PRDM16: variants seen among roughly 807,000 people sequenced by gnomAD.
PRDM16 encodes the protein PR/SET domain 16.
Under a neutral mutation model 110.6 loss-of-function variants are expected in PRDM16, and 23 were observed. The ratio of observed to expected loss-of-function variants is 0.21; its 90% CI spans 0.15 to 0.29. The LOEUF is 0.29. PRDM16 is among the 10% of genes least tolerant of loss of function. The pLI is 1.00. For missense variants in PRDM16, 1,615 were observed against 1,794.3 expected (o/e 0.90, Z 1.81); for synonymous variants, 799 against 781.8 (o/e 1.02, Z -0.37).
chr1:3,393,861 G>C (rs1335761353), intron 4 of PRDM16, among the ~76,000 whole-genome samples: 3 of 151,104 alleles, frequency 2.0e-5, no homozygotes, highest in Admixed American at 6.6e-5. Flanking sequence ...CCCCCGCCCC[G>C]CCCCGCCTCG....
chr1:3,414,652 G>A lies in PRDM16; in HGVS notation c.2691+5G>A, dbSNP rs375994227. The stretch of plus-strand genomic sequence containing the variant: ...CCGCTGCTCTTCCACCCCCAGGTAC[G>A]TCCTCAGTGCAGGTCAGGGCGCCCT... On this transcript the variant is annotated splice_donor_5th_base_variant and intron_variant, in intron 10 of 16. Transcript: ENST00000270722. The A allele has an allele frequency of 1.3e-4, 210 of 1,611,094 alleles. No homozygotes were observed. Among genetic ancestry groups the A allele is most frequent in the South Asian group, 1.5e-4 (14 of 90,764 alleles).
At position 3,080,797 on chromosome 1, in the gene PRDM16, G is replaced by A. The variant is rs903381913; in HGVS notation, c.37+11501G>A. 6.6e-6 allele frequency among the ~76,000 whole-genome samples: 1 copy of A among 152,130 alleles called. No individual in the cohort carries two copies. The highest frequency in any genetic ancestry group is 2.4e-5 in the African/African-American group (1 of 41,414). On this transcript the variant is annotated intron_variant, in intron 1 of 16. Transcript: ENST00000270722. The surrounding 1 kb of genome is among the most constrained non-coding windows in gnomAD (Gnocchi z 5.2). ...CGGGGAAATCTGAGCAGCCACAGGC[G>A]AATCTGGGACGATGGCAGATTGTTA...
At chr1:3,360,454 C>T (rs182689661) in intron 3 of PRDM16, among the ~76,000 whole-genome samples, 2 of 152,222 alleles carry the variant, frequency 1.3e-5, no homozygotes, top group East Asian at 1.9e-4. Context: ...ACCACCGACA[C>T]GTTGTCCTTA....
At chr1:3,312,562 C>T (rs958821792) in intron 3 of PRDM16, among the ~76,000 whole-genome samples, 15 of 152,316 alleles carry the variant, frequency 9.8e-5, no homozygotes, top group African/African-American at 3.1e-4. Flanking sequence ...GATCCGGGGC[C>T]GGCAGGTGGG....
chr1:3,140,007 C>T (rs541213729), intron 1 of PRDM16, among the ~76,000 whole-genome samples: 13 of 152,378 alleles, frequency 8.5e-5, no homozygotes, highest in South Asian at 4.1e-4. Context: ...CAGTCAGCCC[C>T]GGCGACGCAT....
At chr1:3,114,311 A>G (rs1243620619) in intron 1 of PRDM16, among the ~76,000 whole-genome samples, 4 of 149,316 alleles carry the variant, frequency 2.7e-5, no homozygotes, top group East Asian at 2.0e-4. Flanking sequence ...GCACGCACAC[A>G]CACGCACACA....
rs1215144743 is a variant in PRDM16, at chr1:3,209,173, CA to C, written c.387+22700del. Among the ~76,000 whole-genome samples, 1 of 152,102 alleles carries C rather than the reference CA, an allele frequency of 6.6e-6. No homozygotes were observed. The highest frequency in any genetic ancestry group is 1.5e-5 in the Non-Finnish European group (1 of 68,016). Reference sequence around the variant, plus strand: ...CAAAAATATGGGAACATTTTGGTTCCAGGGGTAAGAAAAAATTAATCATTTA... The same window carrying C: ...CAAAAATATGGGAACATTTTGGTTCCGGGGTAAGAAAAAATTAATCATTTA... On this transcript the variant is annotated intron_variant, in intron 2 of 16. Coordinates refer to ENST00000270722, the MANE Select transcript of PRDM16 (RefSeq NM_022114.4). The surrounding 1 kb of genome is among the most constrained non-coding windows in gnomAD (Gnocchi z 4.6).
At chr1:3,217,024 G>A (rs1320666032) in intron 2 of PRDM16, among the ~76,000 whole-genome samples, 3 of 152,252 alleles carry the variant, frequency 2.0e-5, no homozygotes, top group African/African-American at 2.4e-5. Context: ...AAATGTTGCA[G>A]GGCAGCAGGG....
chr1:3,095,434 G>A (rs928659343), intron 1 of PRDM16, among the ~76,000 whole-genome samples: 1 of 152,152 alleles, frequency 6.6e-6, no homozygotes. Flanking sequence ...CCCCTCCTGG[G>A]GTGGGGGGCA....
Position 3,185,578 on chromosome 1 carries a change from G to A in PRDM16, c.38-547G>A, listed in dbSNP as rs535845409. Among the ~76,000 whole-genome samples the A allele has an allele frequency of 4.1e-4, 63 of 152,382 alleles. No individual in the cohort carries two copies. In the Middle Eastern group the frequency reaches 0.01, roughly 25 times the overall value. On this transcript the variant is annotated intron_variant, in intron 1 of 16. Transcript: ENST00000270722. The stretch of plus-strand genomic sequence containing the variant: ...CAGGCTGCAGCCCAAGTGCAGGGAA[G>A]CAGCACTGAGCACATTTCACATTCA...
In PRDM16 at chr1:3,120,863, T is replaced by C. The variant is rs560802994; in HGVS notation, c.37+51567T>C. Among the ~76,000 whole-genome samples the C allele has an allele frequency of 1.3e-3, 198 of 152,318 alleles. 5 individuals carry two copies. The South Asian group carries it at 0.039, about 30-fold the overall frequency. ...ACCATTAGAAGCCCCTTTCCGCTTC[T>C]GCAGGGATTTGCAGAGACTTGTTCT... On this transcript the variant is annotated intron_variant, in intron 1 of 16. Coordinates refer to ENST00000270722, the MANE Select transcript of PRDM16 (RefSeq NM_022114.4).
intron 1 of PRDM16, among the ~76,000 whole-genome samples, chr1:3,109,068 G>A (rs898217981): frequency 6.9e-6 from 1 of 144,680 alleles, no homozygotes; most frequent in Non-Finnish European, 1.5e-5. Context: ...GGTGACAGAG[G>A]AAGACTCCAT....
intron 3 of PRDM16, among the ~76,000 whole-genome samples, chr1:3,371,973 C>T (rs16823665): frequency 6.6e-6 from 1 of 150,438 alleles, no homozygotes; most frequent in Admixed American, 6.6e-5. Context: ...GCACTGGCCT[C>T]TCCAGAGAAT....
chr1:3,374,640 A>AAGGGGGAGGGGGAGCTCTGCAAGCGG (rs1208360107), intron 3 of PRDM16, among the ~76,000 whole-genome samples: 10 of 152,090 alleles, frequency 6.6e-5, no homozygotes, highest in African/African-American at 2.4e-4. Flanking sequence ...GACCCTCCGG[A>AAGGGGGAGGGGGAGCTCTGCAAGCGG]AGGGGGAGGG....
At chr1:3,167,323 A>G (rs1010098939) in intron 1 of PRDM16, among the ~76,000 whole-genome samples, 1 of 152,168 alleles carries the variant, frequency 6.6e-6, no homozygotes, top group African/African-American at 2.4e-5. Context: ...GAAATCCGTC[A>G]TCCGCAGAAC....
At position 3,181,498 on chromosome 1, in the gene PRDM16, ATG is replaced by A. The variant is rs1289093790; in HGVS notation, c.38-4626_38-4625del. ...CGCAGTCTTACACACAGCCTTACGC[ATG>A]GTCTTACACACGCAGTCTTACACAA... On this transcript the variant is annotated intron_variant, in intron 1 of 16. Transcript: ENST00000270722. Among the ~76,000 whole-genome samples the A allele has an allele frequency of 2.2e-3, 99 of 45,912 alleles. 23 individuals carry two copies. Among genetic ancestry groups the A allele is most frequent in the Non-Finnish European group, 3.7e-3 (63 of 16,886 alleles). The allele number at this position is 45,912 out of a possible 152,430, so 30.1% of individuals were successfully genotyped here.
At chr1:3,118,149 GCATGCT>G (rs1643010277) in intron 1 of PRDM16, among the ~76,000 whole-genome samples, 1 of 151,892 alleles carries the variant, frequency 6.6e-6, no homozygotes, top group African/African-American at 2.4e-5. Flanking sequence ...GCATGTGTGT[GCATGCT>G]CATGCTGTGT....
rs150459615 is a variant in PRDM16, at chr1:3,369,999, G to A, written c.439-15153G>A. Among the ~76,000 whole-genome samples, 1,161 of 152,298 alleles carry A rather than the reference G, an allele frequency of 7.6e-3. 11 individuals are homozygous for A. Among genetic ancestry groups the A allele is most frequent in the Admixed American group, 0.015 (229 of 15,292 alleles). ...AGTCACTGAGCTCCTCCAGCCCGGC[G>A]TGTCACAGGGAGAAGAAAGAAGGAT... On this transcript the variant is annotated intron_variant, in intron 3 of 16. Transcript: ENST00000270722.
At chr1:3,154,029 C>T (rs1224955525) in intron 1 of PRDM16, among the ~76,000 whole-genome samples, 1 of 152,182 alleles carries the variant, frequency 6.6e-6, no homozygotes, top group East Asian at 1.9e-4. Flanking sequence ...TAAAATCAGC[C>T]CAGGGACGGC....
Sources: gnomAD v4.1 joint callset for allele counts (sites outside exome capture counted in the v4.1 genomes callset) on GRCh38, gnomAD v4.1.1 for gene constraint, Gnocchi (gnomAD v3.1) non-coding constraint, MANE v1.5 for transcripts, NCBI Gene and HGNC (gene_info 2026-07-23, HGNC 2026-07-21) for gene names.